ORC4: variants seen among roughly 807,000 people sequenced by gnomAD.
The protein encoded by ORC4 is origin recognition complex subunit 4.
A neutral mutation model predicts 63.9 loss-of-function variants in ORC4; 55 were observed. That is an observed-to-expected ratio of 0.86 (90% CI 0.69 to 1.08). The LOEUF is 1.08. Among genes scored for constraint, ORC4 ranks in the 50% least tolerant of loss-of-function variants. The pLI is 0.00. For synonymous variants in ORC4, 150 were observed against 168.5 expected (o/e 0.89, Z 0.85); for missense variants, 511 against 504.4 (o/e 1.01, Z -0.13).
At chr2:147,994,823 G>A (rs534166988) in intron 1 of ORC4, among the ~76,000 whole-genome samples, 8 of 152,316 alleles carry the variant, frequency 5.3e-5, no homozygotes, top group Non-Finnish European at 1.0e-4. Flanking sequence ...TCAGGAGTTC[G>A]AAACCAGCCC....
chr2:147,943,235 A>G (rs1246495782), intron 10 of ORC4, among the ~76,000 whole-genome samples: 1 of 152,082 alleles, frequency 6.6e-6, no homozygotes, highest in Non-Finnish European at 1.5e-5. Context: ...TAAAAACTTA[A>G]TTATCTAATG....
intron 1 of ORC4, among the ~76,000 whole-genome samples, chr2:147,993,923 G>T (rs1252196778): frequency 6.6e-6 from 1 of 151,754 alleles, no homozygotes; most frequent in African/African-American, 2.4e-5. Context: ...ATCATTCTTT[G>T]TCCCAATAGT....
chr2:147,977,865 T>A (rs1049259345), intron 1 of ORC4, among the ~76,000 whole-genome samples: 6 of 152,210 alleles, frequency 3.9e-5, no homozygotes, highest in African/African-American at 1.2e-4. Context: ...CAGGCAGTAC[T>A]GCCCTAGTCC....
At chr2:147,943,879 T>G (rs1244037493) in intron 9 of ORC4, among the ~76,000 whole-genome samples, 2 of 152,086 alleles carry the variant, frequency 1.3e-5, no homozygotes, top group Non-Finnish European at 2.9e-5. Context: ...GGATACAAGG[T>G]AAAGTATTAC....
At position 147,941,185 on chromosome 2, in the gene ORC4, T is replaced by C. The variant is rs116939270; in HGVS notation, c.850-1937A>G. Among the ~76,000 whole-genome samples, 141 of 152,230 alleles carry C rather than the reference T, an allele frequency of 9.3e-4. 3 individuals carry two copies. In the East Asian group the frequency reaches 0.025, roughly 27 times the overall value. On this transcript the variant is annotated intron_variant, in intron 10 of 13. Coordinates refer to ENST00000392857, the MANE Select transcript of ORC4 (RefSeq NM_181741.4). Reference sequence around the variant, plus strand: ...GGCAGTATCAATTCTGGTTTATTCATTTTTTCATTATATTTCTTTGTATAT... The same window carrying C: ...GGCAGTATCAATTCTGGTTTATTCACTTTTTCATTATATTTCTTTGTATAT...
intron 1 of ORC4, among the ~76,000 whole-genome samples, chr2:147,977,179 C>A (rs1690608912): frequency 6.6e-6 from 1 of 152,090 alleles, no homozygotes; most frequent in South Asian, 2.1e-4. Flanking sequence ...TGACCAAAAT[C>A]AAACAGTATA....
chr2:147,934,794 T>C lies in ORC4; in HGVS notation c.*716A>G, dbSNP rs1458253336. The C allele has an allele frequency of 6.6e-6, 1 of 152,172 alleles. No individual in the cohort carries two copies. Among genetic ancestry groups the C allele is most frequent in the African/African-American group, 2.4e-5 (1 of 41,438 alleles). 9.4% of individuals were successfully genotyped at this position (152,172 alleles called of 1,614,324 possible). On this transcript the variant is annotated 3_prime_UTR_variant, in exon 14 of 14. Transcript: ENST00000392857. ...TGGTATAATCTTATGAGACCACCCTTTATACAATGTCATTGACCAAAATGT... is the reference window on the plus strand; with the variant it reads ...TGGTATAATCTTATGAGACCACCCTCTATACAATGTCATTGACCAAAATGT...
intron 6 of ORC4, among the ~76,000 whole-genome samples, chr2:147,957,770 T>C (rs1179524045): frequency 6.6e-6 from 1 of 152,156 alleles, no homozygotes; most frequent in African/African-American, 2.4e-5. Flanking sequence ...TCCTGTGAAG[T>C]ATGGATAATA....
At chr2:147,961,995 A>G (rs762215807) in intron 4 of ORC4, among the ~76,000 whole-genome samples, 49 of 152,220 alleles carry the variant, frequency 3.2e-4, no homozygotes, top group Non-Finnish European at 5.0e-4. Flanking sequence ...AAAGGACCAC[A>G]GCAATGAATG....
intron 3 of ORC4, 57 bp from the exon 4 acceptor site, chr2:147,972,886 G>A: frequency 8.4e-7 from 1 of 1,192,828 alleles, no homozygotes; most frequent in Admixed American, 1.8e-5. Context: ...ACTTTGTTAT[G>A]TTGTAGTTTT....
chr2:147,965,097 C>G (rs1689824956), intron 4 of ORC4, among the ~76,000 whole-genome samples: 2 of 151,904 alleles, frequency 1.3e-5, no homozygotes. Context: ...ATGATGACCA[C>G]CATCATGAAA....
intron 1 of ORC4, among the ~76,000 whole-genome samples, chr2:147,980,520 A>C (rs1200266513): frequency 6.6e-6 from 1 of 152,156 alleles, no homozygotes; most frequent in Admixed American, 6.5e-5. Context: ...AAAAAACTTA[A>C]TAGCAAGGAA....
At chr2:147,943,295 A>G (rs1688467767) in intron 10 of ORC4, 141 bp downstream of exon 10, 2 of 670,882 alleles carry the variant, frequency 3.0e-6, no homozygotes, top group Non-Finnish European at 5.4e-6. Context: ...TGATGCTTGT[A>G]ATGTCAGCAC....
intron 1 of ORC4, among the ~76,000 whole-genome samples, chr2:147,978,647 AG>A (rs930389782): frequency 1.6e-4 from 25 of 152,162 alleles, no homozygotes; most frequent in Admixed American, 6.5e-5. Flanking sequence ...GAATTTTCCC[AG>A]GCCTCTTGGT....
intron 1 of ORC4, among the ~76,000 whole-genome samples, chr2:147,990,075 C>T (rs562283578): frequency 3.7e-4 from 57 of 152,306 alleles, no homozygotes; most frequent in Middle Eastern, 3.4e-3. Context: ...AACAATACCA[C>T]TACCCCACTC....
chr2:147,996,884 T>C (rs1692007340), intron 1 of ORC4, among the ~76,000 whole-genome samples: 1 of 152,202 alleles, frequency 6.6e-6, no homozygotes, highest in Non-Finnish European at 1.5e-5. Flanking sequence ...TTTTACATAA[T>C]CTAGCAATCA....
chr2:147,938,376 T>C lies in ORC4; in HGVS notation c.976A>G (p.Ile326Val). Reference protein sequence around the residue: ...NIVHGLSVLEICLIIAMKHLN... With the variant: ...NIVHGLSVLEVCLIIAMKHLN... ...TGTTTCATTGCTATTATAAGACAGA[T>C]TTCCAAGACTGATAGACCTACAGTA... The change falls in exon 12 of 14, where the codon ATC becomes GTC. Residue 326 changes from isoleucine (I) to valine (V), a missense_variant. Coordinates refer to ENST00000392857, the MANE Select transcript of ORC4 (RefSeq NM_181741.4). 1 of 1,597,640 alleles carries C rather than the reference T, an allele frequency of 6.3e-7. No homozygotes were observed. Among genetic ancestry groups the C allele is most frequent in the Non-Finnish European group, 8.6e-7 (1 of 1,166,960 alleles).
intron 1 of ORC4, among the ~76,000 whole-genome samples, chr2:148,010,303 G>T (rs1415855211): frequency 6.6e-6 from 1 of 151,672 alleles, no homozygotes; most frequent in African/African-American, 2.4e-5. Flanking sequence ...GCAAGAGCAT[G>T]CCAAGCCCCA....
At position 147,943,657 on chromosome 2, in the gene ORC4, G is replaced by C. The variant is rs1688497816; in HGVS notation, c.763-135C>G. The C allele has an allele frequency of 1.6e-5, 10 of 639,010 alleles. No individual in the cohort carries two copies. In the South Asian group the frequency reaches 1.8e-4, roughly 12 times the overall value. 39.6% of individuals were successfully genotyped at this position (639,010 alleles called of 1,614,324 possible). Reference sequence around the variant, plus strand: ...TTAATTCATTATTAAATAGATGTTGGTCTTATTTGTAGAACACTAAAACCA... The same window carrying C: ...TTAATTCATTATTAAATAGATGTTGCTCTTATTTGTAGAACACTAAAACCA... On this transcript the variant is annotated intron_variant, in intron 9 of 13. Transcript: ENST00000392857.
Sources: allele counts gnomAD v4.1 joint callset (sites outside exome capture counted in the v4.1 genomes callset), GRCh38; gene constraint gnomAD v4.1.1; transcripts MANE v1.5; gene names NCBI Gene and HGNC (gene_info 2026-07-23, HGNC 2026-07-21).